The following HOMER2 variants were observed in gnomAD, a reference collection of about 807,000 sequenced individuals.
HOMER2 encodes the protein homer scaffold protein 2.
In HOMER2, 27 loss-of-function variants were observed where a neutral mutation model predicts 47.0. The ratio of observed to expected loss-of-function variants is 0.57; its 90% CI spans 0.42 to 0.79. The LOEUF is 0.79. Ranked by LOEUF, HOMER2 falls within the 30% of genes least tolerant of loss-of-function variation. HOMER2 has a pLI of 0.00. For synonymous variants in HOMER2, 161 were observed against 163.8 expected (o/e 0.98, Z 0.13); for missense variants, 443 against 435.0 (o/e 1.02, Z -0.16).
At chr15:82,929,020 T>C (rs979281121) in intron 1 of HOMER2, among the ~76,000 whole-genome samples, 4 of 144,712 alleles carry the variant, frequency 2.8e-5, no homozygotes, top group Admixed American at 7.2e-5. Flanking sequence ...TGTGAATCAT[T>C]GCTGGGTATG....
At chr15:82,878,414 G>A (rs1231262279) in intron 2 of HOMER2, among the ~76,000 whole-genome samples, 1 of 152,108 alleles carries the variant, frequency 6.6e-6, no homozygotes, top group Non-Finnish European at 1.5e-5. Flanking sequence ...ACTAATAAGT[G>A]GCTAAAAAGA....
chr15:82,955,770 G>A (rs1252594679), upstream of HOMER2, among the ~76,000 whole-genome samples: 1 of 152,182 alleles, frequency 6.6e-6, no homozygotes. Context: ...CTGGTACTGT[G>A]TTGGGCATAA....
intron 3 of HOMER2, among the ~76,000 whole-genome samples, chr15:82,865,772 C>CAA (rs1190750572): frequency 1.3e-5 from 2 of 152,250 alleles, no homozygotes; most frequent in Non-Finnish European, 2.9e-5. Context: ...TCAAAGGGTG[C>CAA]AAGCCCAAAG....
chr15:82,874,666 G>A (rs534087835), intron 3 of HOMER2, among the ~76,000 whole-genome samples: 2 of 152,280 alleles, frequency 1.3e-5, no homozygotes, highest in South Asian at 4.1e-4. Context: ...GGCATTTTAA[G>A]GCACGTGGGG....
At chr15:82,952,877 G>T, upstream of HOMER2, 1 of 229,724 alleles carries the variant, frequency 4.4e-6, no homozygotes, top group Non-Finnish European at 7.2e-6. Flanking sequence ...CGTCCCCCGC[G>T]CAGCCGCGCA....
intron 1 of HOMER2, among the ~76,000 whole-genome samples, chr15:82,920,210 C>A (rs1490696104): frequency 6.6e-6 from 1 of 152,182 alleles, no homozygotes; most frequent in Non-Finnish European, 1.5e-5. Context: ...ATAGTCTTCG[C>A]CATTGTTTTG....
At chr15:82,984,687 T>C (rs973676893) in intron 1 of HOMER2, among the ~76,000 whole-genome samples, 2 of 152,034 alleles carry the variant, frequency 1.3e-5, no homozygotes, top group African/African-American at 4.8e-5. Context: ...GGTGGTGGTG[T>C]GCACCTGTAG....
chr15:82,835,456 C>T (rs2051115973), downstream of HOMER2: 1 of 152,340 alleles, frequency 6.6e-6, no homozygotes, highest in Non-Finnish European at 1.5e-5. Context: ...TACACAGCAG[C>T]CTGAGGGGCC....
chr15:82,940,315 C>CA (rs984468097), intron 1 of HOMER2, among the ~76,000 whole-genome samples: 10 of 152,222 alleles, frequency 6.6e-5, no homozygotes, highest in Admixed American at 6.5e-4. Context: ...ACCAAGTTCT[C>CA]ATTAAATGAT....
chr15:82,981,145 C>A (rs1029645884), intron 1 of HOMER2, among the ~76,000 whole-genome samples: 8 of 152,222 alleles, frequency 5.3e-5, no homozygotes, highest in Admixed American at 1.3e-4. Flanking sequence ...GCCAAAGACA[C>A]AGGGAACTGC....
chr15:82,871,470 C>T (rs2052173561), intron 3 of HOMER2, among the ~76,000 whole-genome samples: 1 of 152,220 alleles, frequency 6.6e-6, no homozygotes, highest in Non-Finnish European at 1.5e-5. Context: ...GGCCAAGTTC[C>T]TCTGTGCTAG....
rs2053491647 is a variant in HOMER2, at chr15:82,913,067, C to T, written c.6-20226G>A. Among the ~76,000 whole-genome samples the T allele has an allele frequency of 6.6e-6, 1 of 152,130 alleles. No homozygotes were observed. Among genetic ancestry groups the T allele is most frequent in the Non-Finnish European group, 1.5e-5 (1 of 68,022 alleles). ...AGAGAGACAAGAGGGAGTCAGGTAA[C>T]TGTAAAGCAAATGGTTTTTATGCGG... is the stretch of plus-strand genomic sequence containing the variant. On this transcript the variant is annotated intron_variant, in intron 1 of 8. Transcript: ENST00000450735. This position sits in a 1 kb window ranked among gnomAD's most constrained non-coding sequence, Gnocchi z 4.1.
At chr15:82,890,481 T>C (rs2042210024) in intron 2 of HOMER2, among the ~76,000 whole-genome samples, 1 of 152,170 alleles carries the variant, frequency 6.6e-6, no homozygotes, top group Non-Finnish European at 1.5e-5. Context: ...AGTCTATAGC[T>C]TGATGACTCT....
chr15:82,917,308 T>C (rs2053616857), intron 1 of HOMER2, among the ~76,000 whole-genome samples: 1 of 152,382 alleles, frequency 6.6e-6, no homozygotes, highest in East Asian at 1.9e-4. Context: ...GGTTTTCTAA[T>C]CTGCAGGATA....
At chr15:82,854,534 C>T in intron 6 of HOMER2, 110 bp downstream of exon 6, 1 of 1,149,414 alleles carries the variant, frequency 8.7e-7, no homozygotes, top group African/African-American at 1.5e-5. Context: ...CTTCCTCTGG[C>T]CATGGGGATA....
intron 1 of HOMER2, among the ~76,000 whole-genome samples, chr15:82,949,185 C>T (rs1435384679): frequency 3.3e-5 from 5 of 152,080 alleles, no homozygotes; most frequent in East Asian, 1.9e-4. Context: ...CATGTATTGA[C>T]GAGAGTCAGA....
chr15:82,910,760 C>T (rs1055452595), intron 1 of HOMER2, among the ~76,000 whole-genome samples: 7 of 152,034 alleles, frequency 4.6e-5, no homozygotes, highest in African/African-American at 9.7e-5. Flanking sequence ...TTTTTGTCTC[C>T]GGGGCCTGTT....
intron 3 of HOMER2, among the ~76,000 whole-genome samples, chr15:82,866,172 A>C (rs769350331): frequency 3.3e-5 from 5 of 152,216 alleles, no homozygotes; most frequent in Non-Finnish European, 7.3e-5. Context: ...AGAGCTGCCC[A>C]AGACCATGGG....
intron 1 of HOMER2, among the ~76,000 whole-genome samples, chr15:82,940,948 TA>T (rs1261348337): frequency 1.3e-5 from 2 of 152,028 alleles, no homozygotes; most frequent in Non-Finnish European, 1.5e-5. Context: ...GAATCTTCCA[TA>T]TGTTTTCCTC....
Sources: allele counts gnomAD v4.1 joint callset (sites outside exome capture counted in the v4.1 genomes callset), GRCh38; gene constraint gnomAD v4.1.1; non-coding constraint Gnocchi (gnomAD v3.1); transcripts MANE v1.5; gene names NCBI Gene and HGNC (gene_info 2026-07-23, HGNC 2026-07-21).